Variants in KLRC1 observed in about 807,000 individuals in gnomAD.
KLRC1 encodes NKG2-A/NKG2-B type II integral membrane protein.
A neutral mutation model predicts 25.9 loss-of-function variants in KLRC1; 22 were observed. The ratio of observed to expected loss-of-function variants is 0.85; its 90% CI spans 0.61 to 1.21. The LOEUF (loss-of-function observed/expected upper bound fraction) is 1.21. KLRC1 is among the 50% of genes most tolerant of loss of function. The probability of loss-of-function intolerance (pLI) is 0.00; values close to 1 mark genes in which losing one functional copy is unlikely to be tolerated. For synonymous variants in KLRC1, 77 were observed against 93.1 expected (o/e 0.83, Z 0.99); for missense variants, 240 against 272.2 (o/e 0.88, Z 0.83).
intron 5 of KLRC1, among the ~76,000 whole-genome samples, chr12:10,448,921 G>A (rs1438061064): frequency 6.6e-6 from 1 of 152,142 alleles, no homozygotes; most frequent in Non-Finnish European, 1.5e-5. Context: ...TTGTATCACA[G>A]GAGTTCATTC....
chr12:10,447,362 T>C (rs1190675858), intron 6 of KLRC1, 170 bp downstream of exon 6: 12 of 553,922 alleles, frequency 2.2e-5, no homozygotes, highest in Non-Finnish European at 3.7e-5. Flanking sequence ...CAATGAGCGG[T>C]TGAAATATAT....
At chr12:10,444,544 C>T (rs942138711), downstream of KLRC1, among the ~76,000 whole-genome samples, 4 of 138,956 alleles carry the variant, frequency 2.9e-5, no homozygotes, top group African/African-American at 1.0e-4. Flanking sequence ...GGCAATAAAA[C>T]TGTATTTTCA....
chr12:10,443,447 C>T (rs1863937134), downstream of KLRC1, among the ~76,000 whole-genome samples: 1 of 126,914 alleles, frequency 7.9e-6, no homozygotes, highest in South Asian at 2.5e-4. Context: ...AGGAAGCATG[C>T]TTCATAATGT....
chr12:10,449,298 C>T lies in KLRC1; in HGVS notation c.428G>A (p.Ser143Asn). Residue 143 changes from serine (S) to asparagine (N), a missense_variant, in exon 5 of 7, where the codon AGT becomes AAT. Physicochemically the swap from Ser to Asn is conservative, Grantham distance 46. Transcript: ENST00000359151. The stretch of plus-strand genomic sequence containing the variant: ...GTTCTTCGAAGTACAGGCCAGCAAA[C>T]TCTCTTCCCAAGTTCTTCTTTCCTT... ...IGKERRTWEE[S>N]LLACTSKNSS... 1 of 1,613,882 alleles carries T rather than the reference C, an allele frequency of 6.2e-7. No individual in the cohort carries two copies. Among genetic ancestry groups the T allele is most frequent in the Non-Finnish European group, 8.5e-7 (1 of 1,179,868 alleles).
At chr12:10,445,515 T>G (rs956784137), downstream of KLRC1, among the ~76,000 whole-genome samples, 2 of 152,152 alleles carry the variant, frequency 1.3e-5, no homozygotes, top group East Asian at 3.8e-4. Flanking sequence ...AAACGATACA[T>G]ATGATACACA....
rs1864159622 is a variant in KLRC1, at chr12:10,453,278, T to C, written c.-112A>G. On this transcript the variant is annotated 5_prime_UTR_variant, in exon 1 of 7. Transcript: ENST00000359151. Reference sequence around the variant, plus strand: ...AAAAAGGCCTGCTATAGCTGTGTAATAAAAGGTGAAATTTAAAGGCATAAA... The same window carrying C: ...AAAAAGGCCTGCTATAGCTGTGTAACAAAAGGTGAAATTTAAAGGCATAAA... 16 of 985,190 alleles carry C rather than the reference T, an allele frequency of 1.6e-5. No individual in the cohort carries two copies. The highest frequency in any genetic ancestry group is 1.2e-4 in the Admixed American group (2 of 16,266). The allele number at this position is 985,190 out of a possible 1,614,324, so 61.0% of individuals were successfully genotyped here.
At chr12:10,444,253 C>T (rs1452521514), downstream of KLRC1, among the ~76,000 whole-genome samples, 1 of 142,336 alleles carries the variant, frequency 7.0e-6, no homozygotes, top group African/African-American at 2.7e-5. Flanking sequence ...AATGAATAAA[C>T]AGTAAAAAAT....
At position 10,446,663 on chromosome 12, in the gene KLRC1, C is replaced by T. The variant is rs1241726680; in HGVS notation, c.591-1G>A. The T allele has an allele frequency of 6.2e-7, 1 of 1,613,620 alleles. No individual in the cohort carries two copies. Among genetic ancestry groups the T allele is most frequent in the Non-Finnish European group, 8.5e-7 (1 of 1,179,700 alleles). On this transcript the variant is annotated splice_acceptor_variant, in intron 6 of 6. Coordinates refer to ENST00000359151, the MANE Select transcript of KLRC1 (RefSeq NM_002259.5). LOFTEE classifies it high-confidence loss of function. ...TTCAGCATTATCTGAGTCTTTTATC[C>T]TGTAATGGAGAAAAATCCATATTCT...
At chr12:10,452,855 A>C (rs1281776312) in intron 1 of KLRC1, among the ~76,000 whole-genome samples, 1 of 152,172 alleles carries the variant, frequency 6.6e-6, no homozygotes, top group Non-Finnish European at 1.5e-5. Context: ...AATAATCTTT[A>C]ATGGCTAAGC....
At chr12:10,453,068 A>G in intron 1 of KLRC1, 130 bp downstream of exon 1, 1 of 250,884 alleles carries the variant, frequency 4.0e-6, no homozygotes, top group South Asian at 1.5e-4. Context: ...AGTTATTCAA[A>G]TGAAGACAGC....
At chr12:10,447,434 C>G (rs1230023860) in intron 6 of KLRC1, 98 bp downstream of exon 6, 1 of 1,069,846 alleles carries the variant, frequency 9.3e-7, no homozygotes, top group Non-Finnish European at 1.3e-6. Flanking sequence ...CCACATCTTT[C>G]TTCATCTCTA....
chr12:10,447,978 A>T (rs1168048724), intron 5 of KLRC1, among the ~76,000 whole-genome samples: 4 of 152,158 alleles, frequency 2.6e-5, no homozygotes, highest in Non-Finnish European at 5.9e-5. Context: ...TAGAAGAGAA[A>T]TTAGAGGTTG....
chr12:10,448,538 G>A (rs1310321165), intron 5 of KLRC1, among the ~76,000 whole-genome samples: 1 of 152,132 alleles, frequency 6.6e-6, no homozygotes, highest in Middle Eastern at 3.2e-3. Flanking sequence ...GATCAGCAAA[G>A]GAACCCAATG....
In KLRC1 at chr12:10,449,071, G is replaced by T. The variant is rs182948303; in HGVS notation, c.489+166C>A. On this transcript the variant is annotated intron_variant, in intron 5 of 6. Transcript: ENST00000359151. ...ACTGAAAATAATCAAAAGTACATTAGCAGTATATGAATTTTAAAACATTAT... is the reference window on the plus strand; with the variant it reads ...ACTGAAAATAATCAAAAGTACATTATCAGTATATGAATTTTAAAACATTAT... Among the ~76,000 whole-genome samples the T allele has an allele frequency of 3.0e-4, 46 of 152,276 alleles. No individual in the cohort carries two copies. The East Asian group carries it at 8.9e-3, about 29-fold the overall frequency.
At chr12:10,452,115 A>C (rs1864138529) in intron 1 of KLRC1, among the ~76,000 whole-genome samples, 2 of 151,920 alleles carry the variant, frequency 1.3e-5, no homozygotes, top group South Asian at 4.1e-4. Flanking sequence ...GCATAACCTA[A>C]ATAGTATTAG....
rs1372808727 is a variant in KLRC1 at position 10,447,618 on chromosome 12, G to C, written c.504C>G (p.Ile168Met). 2 of 1,602,278 alleles carry C rather than the reference G, an allele frequency of 1.2e-6. No individual in the cohort carries two copies. The highest frequency in any genetic ancestry group is 1.7e-6 in the Non-Finnish European group (2 of 1,174,266). Residue 168 changes from isoleucine to methionine, a missense_variant, in exon 6 of 7, where the codon ATC becomes ATG. By Grantham distance (10) the Ile-to-Met change is conservative. Coordinates refer to ENST00000359151, the MANE Select transcript of KLRC1 (RefSeq NM_002259.5). ...CACCAATCCATGAGGATGGTGAAATGATGGACAGAAATTTCTAAAAGAAAA... is the reference window on the plus strand; with the variant it reads ...CACCAATCCATGAGGATGGTGAAATCATGGACAGAAATTTCTAAAAGAAAA... ...DNEEEMKFLS[I>M]ISPSSWIGVF...
upstream of KLRC1, chr12:10,454,496 A>T: frequency 2.6e-6 from 1 of 381,634 alleles, no homozygotes; most frequent in Non-Finnish European, 3.6e-6. Flanking sequence ...TGTAGTCTCA[A>T]TGTAGACCCT....
At chr12:10,454,299 G>C (rs1565514944), upstream of KLRC1, 2 of 152,182 alleles carry the variant, frequency 1.3e-5, no homozygotes, top group Non-Finnish European at 2.9e-5. Context: ...GGTTGTTTTA[G>C]GGAATAGATT....
downstream of KLRC1, among the ~76,000 whole-genome samples, chr12:10,445,721 C>A (rs1863971692): frequency 1.3e-5 from 2 of 151,978 alleles, no homozygotes; most frequent in African/African-American, 4.8e-5. Context: ...TATATAAAAT[C>A]AGTGGAATAA....
Sources: allele counts gnomAD v4.1 joint callset (sites outside exome capture counted in the v4.1 genomes callset), GRCh38; gene constraint gnomAD v4.1.1; transcripts MANE v1.5; gene names NCBI Gene and HGNC (gene_info 2026-07-23, HGNC 2026-07-21).